FHIT: variants seen among roughly 807,000 people sequenced by gnomAD.
FHIT encodes the protein fragile histidine triad diadenosine triphosphatase, also known as bis(5'-adenosyl)-triphosphatase.
In FHIT, 19 loss-of-function variants were observed where a neutral mutation model predicts 17.9. The observed-to-expected ratio is 1.06, with a 90% CI of 0.74 to 1.56. The LOEUF (loss-of-function observed/expected upper bound fraction) is 1.56, where lower values mean the gene tolerates loss of function less well. Among genes scored for constraint, FHIT ranks in the 40% most tolerant of loss-of-function variants. FHIT has a pLI of 0.00. For missense variants in FHIT, 248 were observed against 189.2 expected (o/e 1.31, Z -1.82); for synonymous variants, 81 against 69.7 (o/e 1.16, Z -0.81).
chr3:60,052,355 A>G (rs1378225736), intron 5 of FHIT, among the ~76,000 whole-genome samples: 2 of 152,100 alleles, frequency 1.3e-5, no homozygotes, highest in East Asian at 3.9e-4. Flanking sequence ...AGCCACCAAC[A>G]CAGGTCATGT....
intron 5 of FHIT, among the ~76,000 whole-genome samples, chr3:60,055,503 CTG>C (rs1702046207): frequency 7.0e-6 from 1 of 143,192 alleles, no homozygotes; most frequent in Non-Finnish European, 1.5e-5. Context: ...CAGCCAATTT[CTG>C]TGTCATAAAG....
chr3:60,878,702 A>G (rs553297125), intron 3 of FHIT, among the ~76,000 whole-genome samples: 60 of 150,592 alleles, frequency 4.0e-4, no homozygotes, highest in African/African-American at 1.4e-3. Context: ...ATGTGTTCTC[A>G]TTGTTCAATT....
intron 4 of FHIT, among the ~76,000 whole-genome samples, chr3:60,819,410 T>G (rs543922430): frequency 6.6e-6 from 1 of 152,340 alleles, no homozygotes; most frequent in African/African-American, 2.4e-5. Flanking sequence ...ATGAGGCTTA[T>G]ACAGAATCAT....
chr3:59,827,748 AG>A (rs751653071), intron 8 of FHIT, among the ~76,000 whole-genome samples: 41 of 152,348 alleles, frequency 2.7e-4, no homozygotes, highest in Non-Finnish European at 4.4e-4. Context: ...AATAGTTTTC[AG>A]TTGTCTGAAA....
chr3:60,785,336 A>C (rs1301112851), intron 4 of FHIT, among the ~76,000 whole-genome samples: 3 of 152,196 alleles, frequency 2.0e-5, no homozygotes, highest in African/African-American at 7.2e-5. Context: ...TAGAAAATGT[A>C]ACAATAGGAG....
intron 4 of FHIT, among the ~76,000 whole-genome samples, chr3:60,798,654 G>C (rs1226090498): frequency 2.0e-5 from 3 of 151,260 alleles, no homozygotes; most frequent in Admixed American, 2.0e-4. Flanking sequence ...AGGCCCTACT[G>C]TCTTGAATTA....
chr3:60,013,954 T>C (rs1021009970), intron 6 of FHIT, 53 bp downstream of exon 6: 2 of 1,576,704 alleles, frequency 1.3e-6, no homozygotes, highest in Non-Finnish European at 1.7e-6. Flanking sequence ...GCAAGCCCAA[T>C]GCCGGGATAT....
intron 5 of FHIT, among the ~76,000 whole-genome samples, chr3:60,068,507 G>C (rs767497757): frequency 6.6e-5 from 10 of 152,196 alleles, no homozygotes; most frequent in South Asian, 2.1e-4. Context: ...TGCAAGTTCA[G>C]TGTGTTCCAT....
At chr3:60,245,858 T>TG (rs1705369703) in intron 5 of FHIT, among the ~76,000 whole-genome samples, 1 of 151,924 alleles carries the variant, frequency 6.6e-6, no homozygotes, top group Non-Finnish European at 1.5e-5. Context: ...TAACAAGAAC[T>TG]GGAAAAAAAC....
chr3:60,339,408 C>T (rs1325624723), intron 5 of FHIT, among the ~76,000 whole-genome samples: 1 of 152,140 alleles, frequency 6.6e-6, no homozygotes, highest in African/African-American at 2.4e-5. Flanking sequence ...ACCTAACACA[C>T]CCATGGAAGA....
chr3:60,639,402 A>G (rs1553684781), intron 4 of FHIT, among the ~76,000 whole-genome samples: 1 of 152,142 alleles, frequency 6.6e-6, no homozygotes, highest in Non-Finnish European at 1.5e-5. Context: ...GCAAAAATCA[A>G]TGCTAAAAGA....
chr3:59,967,471 T>A (rs546299504), intron 7 of FHIT, among the ~76,000 whole-genome samples: 1 of 152,184 alleles, frequency 6.6e-6, no homozygotes, highest in African/African-American at 2.4e-5. Context: ...AGCTACGACA[T>A]TGCAAGGCAG....
intron 5 of FHIT, among the ~76,000 whole-genome samples, chr3:60,358,678 G>C (rs746848253): frequency 5.9e-5 from 9 of 152,130 alleles, no homozygotes; most frequent in Non-Finnish European, 1.2e-4. Context: ...CAACATGGTA[G>C]GTCTATACTT....
chr3:60,186,521 G>A (rs1234406707), intron 5 of FHIT, among the ~76,000 whole-genome samples: 4 of 152,174 alleles, frequency 2.6e-5, no homozygotes, highest in African/African-American at 9.7e-5. Context: ...AGAGCAACTT[G>A]ACAGTGGCAG....
intron 5 of FHIT, among the ~76,000 whole-genome samples, chr3:60,036,424 C>T (rs1463594473): frequency 1.3e-5 from 2 of 152,136 alleles, no homozygotes; most frequent in Non-Finnish European, 2.9e-5. Context: ...TAATGCCTTG[C>T]TAGATAAATA....
chr3:59,947,005 A>G (rs1706842230), intron 7 of FHIT, among the ~76,000 whole-genome samples: 1 of 152,176 alleles, frequency 6.6e-6, no homozygotes, highest in East Asian at 1.9e-4. Flanking sequence ...AGATTTTGGT[A>G]TCAGAAAAAT....
At chr3:60,340,066 G>A (rs374212869) in intron 5 of FHIT, among the ~76,000 whole-genome samples, 12 of 151,054 alleles carry the variant, frequency 7.9e-5, no homozygotes, top group East Asian at 5.8e-4. Flanking sequence ...TTTATGGAGG[G>A]GTGTTTAATT....
chr3:60,395,537 C>T (rs1371626288), intron 5 of FHIT, among the ~76,000 whole-genome samples: 2 of 152,032 alleles, frequency 1.3e-5, no homozygotes, highest in Non-Finnish European at 2.9e-5. Flanking sequence ...GAGACAAAAG[C>T]GAATGAGTCA....
chr3:60,937,116 A>G (rs1447929), intron 3 of FHIT, among the ~76,000 whole-genome samples: 140,688 of 152,240 alleles, frequency 0.92, 66,011 homozygotes, highest in East Asian at 1. Flanking sequence ...TCAGCCCCCA[A>G]AGTGACAAAG....
Sources: allele counts gnomAD v4.1 joint callset (sites outside exome capture counted in the v4.1 genomes callset), GRCh38; gene constraint gnomAD v4.1.1; transcripts MANE v1.5; gene names NCBI Gene and HGNC (gene_info 2026-07-23, HGNC 2026-07-21).